Variants in ALMS1 observed in about 807,000 individuals in gnomAD.
ALMS1 encodes centrosome-associated protein ALMS1.
ALMS1 carries 271 observed loss-of-function variants against 352.2 expected under a neutral mutation model. That is an observed-to-expected ratio of 0.77 (90% CI 0.70 to 0.85). ALMS1 has a LOEUF of 0.85. Ranked by LOEUF, ALMS1 falls within the 40% of genes least tolerant of loss-of-function variation. The probability of loss-of-function intolerance (pLI) is 0.00; values close to 1 mark genes in which losing one functional copy is unlikely to be tolerated. For missense variants in ALMS1, 5,445 were observed against 4,870.7 expected, an observed-to-expected ratio of 1.12 and a Z score of -3.51; for synonymous variants, 1,865 against 1,761.2, an observed-to-expected ratio of 1.06 and a Z score of -1.48.
chr2:73,386,241 A>G, intron 1 of ALMS1, 49 bp downstream of exon 1: 1 of 1,454,804 alleles, frequency 6.9e-7, no homozygotes, highest in Non-Finnish European at 9.1e-7. Context: ...TTGGGGGTGG[A>G]GGCTGGGCCC....
At position 73,490,704 on chromosome 2, in the gene ALMS1, T is replaced by A. The variant is rs2103893096; in HGVS notation, c.8745T>A (p.Ala2915=). The A allele has an allele frequency of 1.2e-6, 2 of 1,614,174 alleles. No homozygotes were observed. The highest frequency in any genetic ancestry group is 1.7e-6 in the Non-Finnish European group (2 of 1,180,026). The change falls in exon 10 of 23, where the codon GCT becomes GCA. Residue 2915 remains alanine, a synonymous_variant. Coordinates refer to ENST00000613296, the MANE Select transcript of ALMS1 (RefSeq NM_001378454.1). The stretch of plus-strand genomic sequence containing the variant: ...CTCCTCAACATCAGGATTATGTAGC[T>A]CCAGACCTTCCTTCTTGCATTTTTC... ...SPSPQHQDYV[A]PDLPSCIFLE...
intron 15 of ALMS1, among the ~76,000 whole-genome samples, chr2:73,563,110 CT>C (rs1177360849): frequency 6.7e-5 from 10 of 148,262 alleles, no homozygotes; most frequent in Non-Finnish European, 9.0e-5. Context: ...AAAAAAAAAA[CT>C]TCTTGGATTA....
chr2:73,554,569 C>T (rs556403266), intron 13 of ALMS1, among the ~76,000 whole-genome samples: 11 of 151,716 alleles, frequency 7.3e-5, no homozygotes, highest in African/African-American at 1.9e-4. Context: ...AAAAATTAGC[C>T]GGGCGTGGTG....
chr2:73,464,634 T>G (rs1434216994), intron 9 of ALMS1, among the ~76,000 whole-genome samples: 2 of 152,034 alleles, frequency 1.3e-5, no homozygotes, highest in Non-Finnish European at 2.9e-5. Context: ...GGTATTCAAT[T>G]AGGAAAAGAG....
intron 12 of ALMS1, among the ~76,000 whole-genome samples, chr2:73,549,556 A>G (rs1381789113): frequency 6.6e-6 from 1 of 152,154 alleles, no homozygotes; most frequent in African/African-American, 2.4e-5. Flanking sequence ...ATTTTTAAAT[A>G]CTTCTTTTCT....
chr2:73,478,141 A>G (rs1041176456), intron 9 of ALMS1, among the ~76,000 whole-genome samples: 1 of 152,130 alleles, frequency 6.6e-6, no homozygotes, highest in African/African-American at 2.4e-5. Context: ...AATCCCTTCC[A>G]TTCCTAGTTT....
In ALMS1 at chr2:73,449,114, C is replaced by G; in HGVS notation, c.2587C>G (p.Leu863Val). ...VTSTSSASSSLGEKPSAFYQQ... is the reference protein window; with the variant it reads ...VTSTSSASSSVGEKPSAFYQQ... ...CTCTACTTCCTCTGCGTCCTCTTCA[C>G]TTGGAGAAAAGCCCAGTGCTTTCTA... is the stretch of plus-strand genomic sequence containing the variant. Residue 863 changes from leucine to valine, a missense_variant, in exon 8 of 23, where the codon CTT becomes GTT. Transcript: ENST00000613296. The G allele has an allele frequency of 6.2e-7, 1 of 1,614,030 alleles. No homozygotes were observed. The highest frequency in any genetic ancestry group is 1.7e-5 in the Admixed American group (1 of 59,984).
intron 11 of ALMS1, among the ~76,000 whole-genome samples, chr2:73,534,179 C>T (rs1425144887): frequency 6.6e-6 from 1 of 151,946 alleles, no homozygotes; most frequent in African/African-American, 2.4e-5. Flanking sequence ...AAATAAAAAA[C>T]AGGAAAAGAT....
intron 7 of ALMS1, among the ~76,000 whole-genome samples, chr2:73,447,474 G>A (rs2103769946): frequency 6.6e-6 from 1 of 152,160 alleles, no homozygotes; most frequent in South Asian, 2.1e-4. Flanking sequence ...CATCCCTCTA[G>A]GCCATATTGT....
intron 16 of ALMS1, among the ~76,000 whole-genome samples, chr2:73,598,273 A>G (rs992189852): frequency 3.3e-5 from 5 of 152,188 alleles, no homozygotes. Context: ...GACCTTATGT[A>G]CTAGAGAAAA....
chr2:73,482,774 C>A (rs573824992), intron 9 of ALMS1, among the ~76,000 whole-genome samples: 2 of 151,852 alleles, frequency 1.3e-5, no homozygotes, highest in Admixed American at 6.6e-5. Flanking sequence ...TTGGTCTATT[C>A]AGAGATTCAA....
rs1185410382 is a variant in ALMS1, at chr2:73,453,017, G to T, written c.6490G>T (p.Asp2164Tyr). The T allele has an allele frequency of 6.2e-7, 1 of 1,613,202 alleles. No homozygotes were observed. Among genetic ancestry groups the T allele is most frequent in the Non-Finnish European group, 8.5e-7 (1 of 1,179,808 alleles). Residue 2164 changes from aspartate to tyrosine, a missense_variant, in exon 8 of 23, where the codon GAT (aspartate) becomes TAT (tyrosine). Physicochemically the swap from Asp to Tyr is radical, Grantham distance 160. Transcript: ENST00000613296. ...TTTGCCAGATAGACATCTAACTGAAGATGCTCTAAAGATCTCAAGTGCTCT... is the reference window on the plus strand; with the variant it reads ...TTTGCCAGATAGACATCTAACTGAATATGCTCTAAAGATCTCAAGTGCTCT... ...KDLPDRHLTE[D>Y]ALKISSALGQ...
At chr2:73,395,776 G>T (rs1013264689) in intron 1 of ALMS1, among the ~76,000 whole-genome samples, 11 of 151,958 alleles carry the variant, frequency 7.2e-5, no homozygotes, top group Non-Finnish European at 1.6e-4. Flanking sequence ...TGCCTTTTAT[G>T]TATTTATTTA....
intron 9 of ALMS1, among the ~76,000 whole-genome samples, chr2:73,461,971 A>G (rs1335357959): frequency 2.0e-5 from 3 of 152,064 alleles, no homozygotes; most frequent in Admixed American, 1.3e-4. Flanking sequence ...GACCAAATCT[A>G]CGTCTGATTG....
intron 16 of ALMS1, among the ~76,000 whole-genome samples, chr2:73,597,214 T>G (rs1675570916): frequency 1.3e-5 from 2 of 152,178 alleles, no homozygotes; most frequent in South Asian, 4.1e-4. Context: ...TTCTTAATTT[T>G]ATTTTCAGGT....
chr2:73,436,525 A>G (rs772289121), intron 7 of ALMS1, among the ~76,000 whole-genome samples: 3 of 152,058 alleles, frequency 2.0e-5, no homozygotes, highest in Non-Finnish European at 4.4e-5. Context: ...CACATATATC[A>G]GCACCCCTAA....
chr2:73,510,459 ACAGT>A (rs1283062883), intron 10 of ALMS1, among the ~76,000 whole-genome samples: 3 of 152,024 alleles, frequency 2.0e-5, no homozygotes, highest in Non-Finnish European at 4.4e-5. Flanking sequence ...TTTCCTTCTA[ACAGT>A]CAGGCCCCTC....
intron 2 of ALMS1, among the ~76,000 whole-genome samples, chr2:73,415,574 G>C (rs1461507033): frequency 6.6e-6 from 1 of 152,182 alleles, no homozygotes; most frequent in Non-Finnish European, 1.5e-5. Flanking sequence ...AAGGTCATCA[G>C]TTGAAAATTA....
chr2:73,394,232 A>T (rs981944490), intron 1 of ALMS1, among the ~76,000 whole-genome samples: 1 of 152,138 alleles, frequency 6.6e-6, no homozygotes, highest in South Asian at 2.1e-4. Context: ...GCCCCTTGCA[A>T]TTCCATATGA....
Sources: allele counts gnomAD v4.1 joint callset (sites outside exome capture counted in the v4.1 genomes callset), GRCh38; gene constraint gnomAD v4.1.1; transcripts MANE v1.5; gene names NCBI Gene and HGNC (gene_info 2026-07-23, HGNC 2026-07-21).